RPL15: variants seen among roughly 807,000 people sequenced by gnomAD.
RPL15 encodes ribosomal protein L15, also known as large ribosomal subunit protein eL15.
For missense variants in RPL15, 161 were observed against 271.8 expected, an observed-to-expected ratio of 0.59 and a Z score of 2.87; for synonymous variants, 97 against 95.1, an observed-to-expected ratio of 1.02 and a Z score of -0.12.
At chr3:23,916,994 G>C (rs539810039), upstream of RPL15, 3 of 152,606 alleles carry the variant, frequency 2.0e-5, no homozygotes, top group Non-Finnish European at 4.4e-5. Context: ...GGACAATAGC[G>C]GCCGCGGCGC....
Position 23,920,628 on chromosome 3 carries a change from A to C in RPL15, c.*1127A>C. ...CCAATTTTAAATTCTGACTTTGCTGACTTAATTTAAATGCTCGTTCTGAAC... is the reference window on the plus strand; with the variant it reads ...CCAATTTTAAATTCTGACTTTGCTGCCTTAATTTAAATGCTCGTTCTGAAC... On this transcript the variant is annotated 3_prime_UTR_variant, in exon 4 of 4. Coordinates refer to ENST00000307839, the MANE Select transcript of RPL15 (RefSeq NM_002948.5). 1.0e-6 allele frequency: 1 copy of C among 984,846 alleles called. No individual in the cohort carries two copies. The highest frequency in any genetic ancestry group is 1.2e-6 in the Non-Finnish European group (1 of 829,420). The allele number at this position is 984,846 out of a possible 1,614,324, so 61.0% of individuals were successfully genotyped here.
downstream of RPL15, chr3:23,921,920 G>C: frequency 3.1e-6 from 1 of 325,680 alleles, no homozygotes; most frequent in South Asian, 6.2e-5. Flanking sequence ...TGTTGCCCAG[G>C]TTGGTCTCAA....
In RPL15 at chr3:23,919,844, T is replaced by C. The variant is rs757361112; in HGVS notation, c.*343T>C. 449 of 1,023,504 alleles carry C rather than the reference T, an allele frequency of 4.4e-4. No homozygotes were observed. Among genetic ancestry groups the C allele is most frequent in the Non-Finnish European group, 5.0e-4 (426 of 855,046 alleles). The allele number at this position is 1,023,504 out of a possible 1,614,324, so 63.4% of individuals were successfully genotyped here. On this transcript the variant is annotated 3_prime_UTR_variant, in exon 4 of 4. Coordinates refer to ENST00000307839, the MANE Select transcript of RPL15 (RefSeq NM_002948.5). ...GTGCATGTGATGAAACCTGCAGCTT[T>C]ATCGGAGTGATGGCAATGCTCTGCT...
chr3:23,919,173 T>A, intron 3 of RPL15, 23 bp from the exon 4 acceptor site: 1 of 1,558,680 alleles, frequency 6.4e-7, no homozygotes. Context: ...GAGATTGACC[T>A]TGGGCCTTTT....
Position 23,919,480 on chromosome 3 carries a change from C to A in RPL15, c.594C>A (p.Leu198=), listed in dbSNP as rs145762035. Residue 198 remains leucine (L), a synonymous_variant, in exon 4 of 4, where the codon CTC becomes CTA. Transcript: ENST00000307839. ...RRAAWRRRNT[L]QLHRYR is the part of the protein sequence containing the mutation. ...CAGCTTGGAGAAGGCGCAATACTCT[C>A]CAGCTCCACCGTTACCGCTAATATA... is the stretch of plus-strand genomic sequence containing the variant. The A allele has an allele frequency of 1.1e-5, 18 of 1,584,148 alleles. No individual in the cohort carries two copies. The highest frequency in any genetic ancestry group is 1.5e-5 in the Non-Finnish European group (17 of 1,170,800).
intron 3 of RPL15, chr3:23,918,888 C>A: frequency 1.9e-6 from 1 of 514,954 alleles, no homozygotes; most frequent in Non-Finnish European, 3.4e-6. Flanking sequence ...GCTGAGCTCT[C>A]AGTTGTATGG....
chr3:23,918,911 T>C (rs1046359294), intron 3 of RPL15: 2 of 521,864 alleles, frequency 3.8e-6, no homozygotes, highest in African/African-American at 3.8e-5. Flanking sequence ...AAAGATAAGG[T>C]CCCCAAACCC....
At position 23,920,562 on chromosome 3, in the gene RPL15, G is replaced by C. The variant is rs190077494; in HGVS notation, c.*1061G>C. 1.0e-6 allele frequency: 1 copy of C among 985,280 alleles called. No individual in the cohort carries two copies. Among genetic ancestry groups the C allele is most frequent in the African/African-American group, 1.7e-5 (1 of 57,320 alleles). 61.0% of individuals were successfully genotyped at this position (985,280 alleles called of 1,614,324 possible). ...CAGGAGACTAGACTACTGTTGTCCA[G>C]GGTCAATTTGAGTGTAAAGAAAATG... is the stretch of plus-strand genomic sequence containing the variant. On this transcript the variant is annotated 3_prime_UTR_variant, in exon 4 of 4. Coordinates refer to ENST00000307839, the MANE Select transcript of RPL15 (RefSeq NM_002948.5).
rs1292991492 is a variant in RPL15, at chr3:23,918,024, C to T, written c.165C>T (p.Ala55=). The part of the protein sequence containing the change: ...PDKARRLGYK[A]KQGYVIYRIR... ...AAGCGCGCCGACTGGGCTACAAGGC[C>T]AAGCAAGGTACGTGATCGACTGCGT... The change falls in exon 2 of 4, where the codon GCC becomes GCT. Residue 55 remains alanine (A), a synonymous_variant. Coordinates refer to ENST00000307839, the MANE Select transcript of RPL15 (RefSeq NM_002948.5). 2 of 1,608,784 alleles carry T rather than the reference C, an allele frequency of 1.2e-6. No individual in the cohort carries two copies. The highest frequency in any genetic ancestry group is 3.4e-5 in the Admixed American group (2 of 58,002).
Position 23,920,359 on chromosome 3 carries a change from C to T in RPL15, c.*858C>T. 3 of 985,464 alleles carry T rather than the reference C, an allele frequency of 3.0e-6. No individual in the cohort carries two copies. Among genetic ancestry groups the T allele is most frequent in the Non-Finnish European group, 2.4e-6 (2 of 829,862 alleles). The allele number at this position is 985,464 out of a possible 1,614,324, so 61.0% of individuals were successfully genotyped here. A position where few individuals can be genotyped will look rare whatever the true frequency, so the allele number is the denominator to read the frequency against. On this transcript the variant is annotated 3_prime_UTR_variant, in exon 4 of 4. Coordinates refer to ENST00000307839, the MANE Select transcript of RPL15 (RefSeq NM_002948.5). ...CCACTCTGTCCACTCCCATAGGCTA[C>T]AGAAAAAGTCACAAGCGCATGGTTT...
chr3:23,921,575 T>TGG (rs1559513555), downstream of RPL15: 2 of 547,024 alleles, frequency 3.7e-6, no homozygotes, highest in Admixed American at 5.4e-5. Flanking sequence ...ATTGAGTTTT[T>TGG]TTTTTTTTTT....
downstream of RPL15, chr3:23,922,812 AT>A: frequency 6.6e-6 from 1 of 151,846 alleles, no homozygotes; most frequent in Non-Finnish European, 1.5e-5. This position sits in a 1 kb window ranked among gnomAD's most constrained non-coding sequence, Gnocchi z 4.2. Flanking sequence ...GTTTAACAAT[AT>A]TTTTTTATTT....
downstream of RPL15, chr3:23,921,849 A>C (rs1705098517): frequency 1.5e-5 from 8 of 522,166 alleles, no homozygotes; most frequent in Non-Finnish European, 1.3e-5. Flanking sequence ...TGCTGGGATT[A>C]CAGGCGTGAG....
rs973380922 is a variant in RPL15, at chr3:23,920,261, C to T, written c.*760C>T. On this transcript the variant is annotated 3_prime_UTR_variant, in exon 4 of 4. Transcript: ENST00000307839. ...TGATCATTATGAATCCCTTCAGTCACATTAGGGGGAAAGTAGTTGGCTATA... is the reference window on the plus strand; with the variant it reads ...TGATCATTATGAATCCCTTCAGTCATATTAGGGGGAAAGTAGTTGGCTATA... 3 of 985,580 alleles carry T rather than the reference C, an allele frequency of 3.0e-6. No individual in the cohort carries two copies. Among genetic ancestry groups the T allele is most frequent in the African/African-American group, 3.5e-5 (2 of 57,216 alleles). The allele number at this position is 985,580 out of a possible 1,614,324, so 61.1% of individuals were successfully genotyped here.
At chr3:23,919,083 G>T in intron 3 of RPL15, 113 bp from the exon 4 acceptor site, 1 of 701,630 alleles carries the variant, frequency 1.4e-6, no homozygotes, top group Non-Finnish European at 2.5e-6. Flanking sequence ...AATAACTTGA[G>T]TAGTAAAAGA....
chr3:23,917,705 GGGCTAGCTGTCCCC>G, intron 1 of RPL15, 131 bp from the exon 2 acceptor site: 1 of 763,612 alleles, frequency 1.3e-6, no homozygotes, highest in African/African-American at 1.8e-5. Context: ...GGTGGGGGTT[GGGCTAGCTGTCCCC>G]GGCAGTTGGT....
rs748116544 is a variant in RPL15 at position 23,919,391 on chromosome 3, C to A, written c.505C>A (p.Arg169=). 5 of 1,602,838 alleles carry A rather than the reference C, an allele frequency of 3.1e-6. No homozygotes were observed. The South Asian group carries it at 4.4e-5, about 14-fold the overall frequency. Residue 169 remains arginine (R), a synonymous_variant, in exon 4 of 4, where the codon CGA becomes AGA. Coordinates refer to ENST00000307839, the MANE Select transcript of RPL15 (RefSeq NM_002948.5). ...GATGCGTGGGCTGACATCTGCAGGCCGAAAGAGCCGTGGCCTTGGAAAGGG... is the reference window on the plus strand; with the variant it reads ...GATGCGTGGGCTGACATCTGCAGGCAGAAAGAGCCGTGGCCTTGGAAAGGG... The part of the protein sequence containing the change: ...REMRGLTSAG[R]KSRGLGKGHK...
At chr3:23,919,105 T>C in intron 3 of RPL15, 91 bp from the exon 4 acceptor site, 1 of 829,088 alleles carries the variant, frequency 1.2e-6, no homozygotes. Context: ...TCTTGTCTGG[T>C]GGTGAACTAG....
downstream of RPL15, chr3:23,922,227 A>G (rs538027612): frequency 7.9e-5 from 12 of 152,360 alleles, no homozygotes; most frequent in African/African-American, 2.9e-4. This position sits in a 1 kb window ranked among gnomAD's most constrained non-coding sequence, Gnocchi z 4.2. Context: ...CTTGGGTGAT[A>G]GAGCCAGAAC....
Sources: gnomAD v4.1 joint callset for allele counts on GRCh38, gnomAD v4.1.1 for gene constraint, Gnocchi (gnomAD v3.1) non-coding constraint, MANE v1.5 for transcripts, NCBI Gene and HGNC (gene_info 2026-07-23, HGNC 2026-07-21) for gene names.